The following ZNF469 variants were observed in gnomAD, a reference collection of about 807,000 sequenced individuals.
ZNF469 encodes the protein zinc finger protein 469.
Under a neutral mutation model 1.0 loss-of-function variants are expected in ZNF469, and 1 was observed. The ratio of observed to expected loss-of-function variants is 1.00; its 90% CI spans 0.35 to 4.73. ZNF469 has a LOEUF of 4.73. Ranked by LOEUF, ZNF469 falls within the 30% of genes most tolerant of loss-of-function variation. The pLI, the probability that ZNF469 is intolerant of heterozygous loss-of-function variation, is 0.16. For missense variants in ZNF469, 6,100 were observed against 5,356.3 expected, an observed-to-expected ratio of 1.14 and a Z score of -4.33; for synonymous variants, 2,703 against 2,363.4, an observed-to-expected ratio of 1.14 and a Z score of -4.17.
chr16:88,135,281 C>T, the ZNF469 span, among the ~76,000 whole-genome samples: 1 of 152,270 alleles, frequency 6.6e-6, no homozygotes, highest in African/African-American at 2.4e-5. Flanking sequence ...GAGGAATCCT[C>T]TCTGGCACAC....
rs117149938 is a variant in ZNF469, at chr16:88,435,234, G to A, written c.7764G>A (p.Pro2588=). 0.015 allele frequency: 23,480 copies of A among 1,550,362 alleles called. 222 individuals are homozygous for A. Among genetic ancestry groups the A allele is most frequent in the Middle Eastern group, 0.027 (164 of 5,992 alleles). The change falls in exon 3 of 3, where the codon CCG becomes CCA. Residue 2588 remains proline (P), a synonymous_variant. Coordinates refer to ENST00000565624, the MANE Select transcript of ZNF469 (RefSeq NM_001367624.2). ...PTEHEVDVKT[P]ASKPRPDQAR... is the part of the protein sequence containing the mutation. Reference sequence around the variant, plus strand: ...AGCATGAGGTAGATGTGAAGACTCCGGCCTCCAAGCCCAGACCAGACCAGG... The same window carrying A: ...AGCATGAGGTAGATGTGAAGACTCCAGCCTCCAAGCCCAGACCAGACCAGG...
intron 1 of ZNF469, among the ~76,000 whole-genome samples, chr16:88,388,204 C>T (rs918702912): frequency 2.0e-5 from 3 of 152,254 alleles, no homozygotes; most frequent in African/African-American, 7.2e-5. Context: ...GAGCTGTGCC[C>T]AGGGCTGCTC....
the ZNF469 span, among the ~76,000 whole-genome samples, chr16:88,338,498 T>C: frequency 6.6e-6 from 1 of 151,992 alleles, no homozygotes; most frequent in African/African-American, 2.4e-5. Context: ...CCCGCACAAG[T>C]ATTGGGCCGT....
At chr16:88,233,520 C>T in the ZNF469 span, among the ~76,000 whole-genome samples, 1 of 152,222 alleles carries the variant, frequency 6.6e-6, no homozygotes, top group Non-Finnish European at 1.5e-5. Flanking sequence ...TACTGGATGC[C>T]GTGTTCTGGA....
At chr16:88,234,027 T>G in the ZNF469 span, among the ~76,000 whole-genome samples, 1 of 152,236 alleles carries the variant, frequency 6.6e-6, no homozygotes, top group African/African-American at 2.4e-5. Flanking sequence ...ATTATCTTTT[T>G]CCTATTGGGA....
At chr16:88,401,255 C>G (rs941429213) in intron 1 of ZNF469, among the ~76,000 whole-genome samples, 14 of 152,222 alleles carry the variant, frequency 9.2e-5, no homozygotes, top group Admixed American at 9.2e-4. Flanking sequence ...CCACGGGCAC[C>G]GTGCTGTCCA....
the ZNF469 span, among the ~76,000 whole-genome samples, chr16:88,108,774 C>T: frequency 6.6e-6 from 1 of 152,326 alleles, no homozygotes; most frequent in East Asian, 1.9e-4. Context: ...GCACCAATAG[C>T]TTCTTGCCCT....
the ZNF469 span, among the ~76,000 whole-genome samples, chr16:88,345,292 C>T: frequency 6.6e-6 from 1 of 152,254 alleles, no homozygotes; most frequent in Non-Finnish European, 1.5e-5. Context: ...CCTGTGCTGG[C>T]AACAAGCTGC....
At chr16:88,110,626 C>T in the ZNF469 span, among the ~76,000 whole-genome samples, 3 of 152,366 alleles carry the variant, frequency 2.0e-5, no homozygotes, top group East Asian at 1.9e-4. Flanking sequence ...GTCCTCCCAG[C>T]GTGGGCTGCT....
chr16:88,213,668 G>T, the ZNF469 span, among the ~76,000 whole-genome samples: 1 of 152,144 alleles, frequency 6.6e-6, no homozygotes, highest in African/African-American at 2.4e-5. Context: ...CCCCAAAAGG[G>T]TTGCCTTTCT....
rs1016285174 is a variant in ZNF469 at position 88,428,929 on chromosome 16, G to C, written c.1459G>C (p.Val487Leu). 1.9e-5 allele frequency: 30 copies of C among 1,546,310 alleles called. No individual in the cohort carries two copies. The highest frequency in any genetic ancestry group is 2.5e-5 in the Non-Finnish European group (29 of 1,145,528). ...PQSAPLPWPQ[V>L]LPTARPSPHG... ...GAGTGCCCCCCTGCCTTGGCCCCAA[G>C]TGCTCCCGACCGCCCGGCCAAGTCC... Residue 487 changes from valine to leucine, a missense_variant, in exon 3 of 3, where the codon GTG becomes CTG. Val to Leu is a conservative substitution (Grantham distance 32, BLOSUM62 1). Transcript: ENST00000565624.
Position 88,432,356 on chromosome 16 carries a change from G to T in ZNF469, c.4886G>T (p.Arg1629Leu). ...ACGTTCTCGGCAGCTGACCTCACGC[G>T]CGTTGGAGAATCCACTGCACATCGG... The part of the protein sequence containing the change: ...EDTFSAADLT[R>L]VGESTAHREG... The change falls in exon 3 of 3, where the codon CGC (arginine) becomes CTC (leucine). Residue 1629 changes from arginine to leucine, a missense_variant. By Grantham distance (102) the Arg-to-Leu change is moderately radical. Coordinates refer to ENST00000565624, the MANE Select transcript of ZNF469 (RefSeq NM_001367624.2). 1 of 1,548,588 alleles carries T rather than the reference G, an allele frequency of 6.5e-7. No individual in the cohort carries two copies.
the ZNF469 span, among the ~76,000 whole-genome samples, chr16:88,353,557 CAG>C: frequency 6.6e-6 from 1 of 152,200 alleles, no homozygotes; most frequent in African/African-American, 2.4e-5. Context: ...GCTGCCTGCC[CAG>C]AGAGGCTCCC....
the ZNF469 span, among the ~76,000 whole-genome samples, chr16:88,316,467 C>T: frequency 6.6e-5 from 10 of 151,428 alleles, no homozygotes; most frequent in Non-Finnish European, 1.2e-4. Flanking sequence ...TGCAGACACC[C>T]CGACGGTGGG....
At position 88,430,593 on chromosome 16, in the gene ZNF469, TC is replaced by T; in HGVS notation, c.3124del (p.Arg1042GlyfsTer11). 6.7e-7 allele frequency: 1 copy of T among 1,502,244 alleles called. No homozygotes were observed. Among genetic ancestry groups the T allele is most frequent in the Non-Finnish European group, 8.8e-7 (1 of 1,132,638 alleles). 93.1% of individuals were successfully genotyped at this position (1,502,244 alleles called of 1,614,324 possible). A position where few individuals can be genotyped will look rare whatever the true frequency, so the allele number is the denominator to read the frequency against. ...GGAAGGACCCCAGGAAGAGGAAGGC[TC>T]GGGGCGGCGCCTGGGGCAAGGAGCT... is the stretch of plus-strand genomic sequence containing the variant. Reference protein sequence around the residue: ...PRKDPRKRKARGGAWGKELIL... With the variant: ...PRKDPRKRKAXGGAWGKELIL... On this transcript the variant is annotated frameshift_variant, in exon 3 of 3. Transcript: ENST00000565624. LOFTEE classifies it low-confidence loss of function (END_TRUNC).
chr16:88,111,879 C>A, the ZNF469 span, among the ~76,000 whole-genome samples: 1 of 152,208 alleles, frequency 6.6e-6, no homozygotes, highest in African/African-American at 2.4e-5. Flanking sequence ...TTGTGATCCG[C>A]CTGCCTTGGC....
chr16:88,258,520 A>T, the ZNF469 span, among the ~76,000 whole-genome samples: 1 of 151,370 alleles, frequency 6.6e-6, no homozygotes, highest in South Asian at 2.1e-4. Context: ...AAGGTGCCCA[A>T]GTTTATTGAG....
the ZNF469 span, among the ~76,000 whole-genome samples, chr16:88,279,065 T>C: frequency 6.7e-6 from 1 of 149,760 alleles, no homozygotes; most frequent in Non-Finnish European, 1.5e-5. Context: ...TAGATATCAG[T>C]GCATGGTTAG....
chr16:88,129,222 A>G, the ZNF469 span, among the ~76,000 whole-genome samples: 1 of 152,206 alleles, frequency 6.6e-6, no homozygotes, highest in African/African-American at 2.4e-5. Flanking sequence ...GCCAGGAACC[A>G]AACTAACACG....
Sources: allele counts gnomAD v4.1 joint callset (sites outside exome capture counted in the v4.1 genomes callset), GRCh38; gene constraint gnomAD v4.1.1; transcripts MANE v1.5; gene names NCBI Gene and HGNC (gene_info 2026-07-23, HGNC 2026-07-21).